The following GTF2IRD1 variants were observed in gnomAD, a reference collection of about 807,000 sequenced individuals.
The protein encoded by GTF2IRD1 is GTF2I repeat domain containing 1.
GTF2IRD1 carries 26 observed loss-of-function variants against 113.2 expected under a neutral mutation model. The observed-to-expected ratio is 0.23, with a 90% confidence interval of 0.17 to 0.32. GTF2IRD1 has a LOEUF of 0.32. GTF2IRD1 is among the 10% of genes least tolerant of loss of function. GTF2IRD1 has a pLI of 1.00. For synonymous variants in GTF2IRD1, 484 were observed against 529.1 expected (o/e 0.91, Z 1.17); for missense variants, 864 against 1,280.8 (o/e 0.67, Z 4.97).
At chr7:74,543,800 C>T (rs2130637371) in intron 14 of GTF2IRD1, among the ~76,000 whole-genome samples, 1 of 141,086 alleles carries the variant, frequency 7.1e-6, no homozygotes, top group Admixed American at 7.9e-5. Context: ...ATTGAGGAGA[C>T]TGAGGCGGGT....
chr7:74,592,513 C>T (rs1802124666), intron 24 of GTF2IRD1, among the ~76,000 whole-genome samples: 2 of 151,938 alleles, frequency 1.3e-5, no homozygotes, highest in Admixed American at 1.3e-4. Flanking sequence ...GCCACCACAC[C>T]TGGCCTGTGG....
In GTF2IRD1 at chr7:74,518,144, G is replaced by A. The variant is rs1797060901; in HGVS notation, c.427G>A (p.Ala143Thr). ...TCCTGGACTCTCCCCTACAGGCGAGGCCCTGGGAAGGGCCAGTGTGGTGCC... is the reference window on the plus strand; with the variant it reads ...TCCTGGACTCTCCCCTACAGGCGAGACCCTGGGAAGGGCCAGTGTGGTGCC... The part of the protein sequence containing the change: ...EEVFDVLYSE[A>T]LGRASVVPLP... Residue 143 changes from alanine (A) to threonine (T), a missense_variant, in exon 5 of 27, where the codon GCC (alanine) becomes ACC (threonine). Ala to Thr is a moderately conservative substitution (Grantham distance 58). Around this residue, in one of 7 missense-constraint regions of GTF2IRD1, gnomAD observed 182 missense variants for 266.6 expected, o/e 0.68. Transcript: ENST00000424337. 3 of 1,578,660 alleles carry A rather than the reference G, an allele frequency of 1.9e-6. No individual in the cohort carries two copies. The African/African-American group carries it at 4.1e-5, about 21-fold the overall frequency.
chr7:74,553,856 T>C (rs782179322), intron 17 of GTF2IRD1, among the ~76,000 whole-genome samples: 1 of 152,124 alleles, frequency 6.6e-6, no homozygotes, highest in Non-Finnish European at 1.5e-5. Context: ...AGTTCTCCCA[T>C]AAAGAGGAGG....
intron 9 of GTF2IRD1, among the ~76,000 whole-genome samples, chr7:74,532,806 G>C (rs1798049288): frequency 6.6e-6 from 1 of 152,138 alleles, no homozygotes; most frequent in Non-Finnish European, 1.5e-5. Flanking sequence ...TTTTGCCTCT[G>C]TTTTAATTTC....
intron 9 of GTF2IRD1, among the ~76,000 whole-genome samples, chr7:74,531,671 C>T (rs1246105599): frequency 6.6e-6 from 1 of 151,758 alleles, no homozygotes; most frequent in Non-Finnish European, 1.5e-5. Flanking sequence ...TCACTTGAGC[C>T]TAGGAGTTCA....
rs1297175692 is a variant in GTF2IRD1, at chr7:74,509,869, G to A, written c.123+1666G>A. Among the ~76,000 whole-genome samples the A allele has an allele frequency of 5.9e-5, 9 of 152,138 alleles. 1 individual carries two copies. Among genetic ancestry groups the A allele is most frequent in the African/African-American group, 1.7e-4 (7 of 41,516 alleles). ...TTTTTGTACTTTTAGTAGAGACCGGGTTTCACCATGTTGGCCAGGATGGTC... is the reference window on the plus strand; with the variant it reads ...TTTTTGTACTTTTAGTAGAGACCGGATTTCACCATGTTGGCCAGGATGGTC... On this transcript the variant is annotated intron_variant, in intron 2 of 26. Transcript: ENST00000424337.
chr7:74,554,156 T>TA (rs1799469999), intron 17 of GTF2IRD1, among the ~76,000 whole-genome samples: 1 of 151,894 alleles, frequency 6.6e-6, no homozygotes. Context: ...CCAGGCCCAT[T>TA]ACCTCTCCAG....
At chr7:74,530,586 T>C (rs1201934954) in intron 9 of GTF2IRD1, among the ~76,000 whole-genome samples, 1 of 38,950 alleles carries the variant, frequency 2.6e-5, no homozygotes, top group Non-Finnish European at 4.4e-5. Flanking sequence ...CCCTGTTTCT[T>C]AAAAAAAAAA....
chr7:74,583,170 GT>G (rs1801517360), intron 22 of GTF2IRD1, among the ~76,000 whole-genome samples: 1 of 151,882 alleles, frequency 6.6e-6, no homozygotes, highest in Admixed American at 6.6e-5. Context: ...TGCCAAGCTT[GT>G]TTTTTATTTT....
chr7:74,537,838 A>C (rs1428936618), intron 11 of GTF2IRD1, among the ~76,000 whole-genome samples: 4 of 152,156 alleles, frequency 2.6e-5, no homozygotes, highest in Non-Finnish European at 1.5e-5. Context: ...CAAGCCTAGG[A>C]TCCCCAGAGC....
At chr7:74,589,422 G>T (rs1410573606) in intron 22 of GTF2IRD1, among the ~76,000 whole-genome samples, 1 of 152,050 alleles carries the variant, frequency 6.6e-6, no homozygotes, top group African/African-American at 2.4e-5. Flanking sequence ...CTGCAGCCAG[G>T]CACAGTGGCT....
intron 22 of GTF2IRD1, among the ~76,000 whole-genome samples, chr7:74,577,396 G>A (rs151051244): frequency 9.2e-5 from 14 of 152,074 alleles, no homozygotes; most frequent in Middle Eastern, 3.4e-3. Context: ...TCACACACAC[G>A]CGCACACACA....
intron 22 of GTF2IRD1, among the ~76,000 whole-genome samples, chr7:74,589,318 T>A (rs1801913650): frequency 1.3e-5 from 2 of 152,134 alleles, no homozygotes; most frequent in South Asian, 4.2e-4. Flanking sequence ...TATGATCCAC[T>A]GCTGCCTTCC....
At chr7:74,521,684 C>A (rs1554346022) in intron 7 of GTF2IRD1, among the ~76,000 whole-genome samples, 1 of 152,108 alleles carries the variant, frequency 6.6e-6, no homozygotes, top group East Asian at 1.9e-4. Context: ...ATCACTTGAG[C>A]CCAGGAGTTG....
chr7:74,553,277 G>A (rs587735372), intron 17 of GTF2IRD1, among the ~76,000 whole-genome samples: 177 of 151,908 alleles, frequency 1.2e-3, no homozygotes, highest in African/African-American at 4.2e-3. Context: ...TTACAGGCGT[G>A]AGCCACCATG....
chr7:74,463,628 T>G (rs1306698356), intron 1 of GTF2IRD1, among the ~76,000 whole-genome samples: 1 of 152,086 alleles, frequency 6.6e-6, no homozygotes. Context: ...CACAGAGCCC[T>G]GGAGGGCCCC....
Position 74,538,705 on chromosome 7 carries a change from G to A in GTF2IRD1, c.1473G>A (p.Leu491=). The change falls in exon 13 of 27, where the codon CTG becomes CTA. Residue 491 remains leucine (L), a synonymous_variant. Transcript: ENST00000424337. ...GAACCTCCGGGGAGCTGGGCGGGCT[G>A]AGGCCGATCAAAATTGAGCCAGAGG... ...GPGTSGELGG[L]RPIKIEPEDL... The A allele has an allele frequency of 6.2e-7, 1 of 1,607,976 alleles. No individual in the cohort carries two copies. The highest frequency in any genetic ancestry group is 8.5e-7 in the Non-Finnish European group (1 of 1,174,380).
intron 1 of GTF2IRD1, among the ~76,000 whole-genome samples, chr7:74,455,327 G>A (rs1327980432): frequency 2.0e-5 from 3 of 152,334 alleles, no homozygotes; most frequent in Admixed American, 6.5e-5. Context: ...CATTTGCTGG[G>A]GTTTCTCTTA....
At chr7:74,489,902 A>G (rs988673340) in intron 1 of GTF2IRD1, among the ~76,000 whole-genome samples, 4 of 152,154 alleles carry the variant, frequency 2.6e-5, no homozygotes, top group Non-Finnish European at 5.9e-5. Context: ...GGATTCTGTT[A>G]GCAGGGAGTG....
Sources: gnomAD v4.1 joint callset for allele counts (sites outside exome capture counted in the v4.1 genomes callset) on GRCh38, gnomAD v4.1.1 for gene constraint, gnomAD v4.1.1 regional missense constraint, MANE v1.5 for transcripts, NCBI Gene and HGNC (gene_info 2026-07-23, HGNC 2026-07-21) for gene names.